The following ABCA13 variants were observed in gnomAD, a reference collection of about 807,000 sequenced individuals.
ABCA13 encodes ATP binding cassette subfamily A member 13, also known as ATP-binding cassette sub-family A member 13.
In ABCA13, 476 loss-of-function variants were observed where a neutral mutation model predicts 478.7. The ratio of observed to expected loss-of-function variants is 0.99; its 90% CI spans 0.92 to 1.07. The LOEUF (loss-of-function observed/expected upper bound fraction) is 1.07. Ranked by LOEUF, ABCA13 falls within the 50% of genes least tolerant of loss-of-function variation. The pLI, the probability that ABCA13 is intolerant of heterozygous loss-of-function variation, is 0.00. For synonymous variants in ABCA13, 2,252 were observed against 2,158.9 expected, an observed-to-expected ratio of 1.04 and a Z score of -1.20; for missense variants, 6,060 against 5,910.6, an observed-to-expected ratio of 1.03 and a Z score of -0.83.
intron 59 of ABCA13, among the ~76,000 whole-genome samples, chr7:48,635,220 CA>C (rs11364153): frequency 0.47 from 58,771 of 124,100 alleles, 11,816 homozygotes; most frequent in South Asian, 0.61. Flanking sequence ...ATTTTGTTGC[CA>C]AAAAAAAAAA....
At chr7:48,523,768 T>C (rs1029868564) in intron 53 of ABCA13, among the ~76,000 whole-genome samples, 4 of 152,140 alleles carry the variant, frequency 2.6e-5, no homozygotes, top group African/African-American at 7.2e-5. Context: ...CTGAATACTT[T>C]TTGCAAAGTA....
At position 48,507,994 on chromosome 7, in the gene ABCA13, A is replaced by G; in HGVS notation, c.13469A>G (p.His4490Arg). Residue 4490 changes from histidine (H) to arginine (R), a missense_variant, in exon 50 of 62, where the codon CAC becomes CGC. By Grantham distance (29) the His-to-Arg change is conservative. Transcript: ENST00000435803. ...GTGATTGGAGCCAAAAGGTTGCAGC[A>G]CATAAGTGGCCTTGGCTACAGGATG... ...DRVIGAKRLQ[H>R]ISGLGYRMYW... The G allele has an allele frequency of 1.2e-6, 2 of 1,613,864 alleles. No homozygotes were observed. The highest frequency in any genetic ancestry group is 1.7e-6 in the Non-Finnish European group (2 of 1,179,830).
intron 31 of ABCA13, among the ~76,000 whole-genome samples, chr7:48,359,820 C>CA (rs372239023): frequency 3.9e-5 from 6 of 152,024 alleles, no homozygotes; most frequent in Non-Finnish European, 7.4e-5. Context: ...TTTGGTCCAA[C>CA]ACGCCCATGA....
In ABCA13 at chr7:48,457,201, T is replaced by C. The variant is rs559178895; in HGVS notation, c.12815+1915T>C. Among the ~76,000 whole-genome samples, 4 of 152,306 alleles carry C rather than the reference T, an allele frequency of 2.6e-5. No individual in the cohort carries two copies. The South Asian group carries it at 8.3e-4, about 32-fold the overall frequency. ...TTAATAGGCAGCTCTTTGATTACTA[T>C]TGAAGTTGAATATTTTCAAAGTTTT... On this transcript the variant is annotated intron_variant, in intron 43 of 61. Coordinates refer to ENST00000435803, the MANE Select transcript of ABCA13 (RefSeq NM_152701.5).
chr7:48,395,773 G>T (rs1425678472), intron 38 of ABCA13, among the ~76,000 whole-genome samples: 1 of 152,188 alleles, frequency 6.6e-6, no homozygotes, highest in African/African-American at 2.4e-5. Context: ...CATACAGCAT[G>T]TAATGCATAT....
intron 55 of ABCA13, among the ~76,000 whole-genome samples, chr7:48,576,218 G>A (rs1165335096): frequency 1.3e-5 from 2 of 152,060 alleles, no homozygotes; most frequent in African/African-American, 2.4e-5. Flanking sequence ...ATAGAAAAAC[G>A]ACTGTACTAG....
chr7:48,347,993 G>A (rs572418824), intron 29 of ABCA13, among the ~76,000 whole-genome samples: 1 of 152,326 alleles, frequency 6.6e-6, no homozygotes, highest in Admixed American at 6.5e-5. Context: ...CCACTGAGGG[G>A]TGGTGAGCAG....
chr7:48,353,040 T>A (rs1809302521), intron 31 of ABCA13, among the ~76,000 whole-genome samples: 1 of 151,942 alleles, frequency 6.6e-6, no homozygotes, highest in East Asian at 1.9e-4. Context: ...ACAAGAGGAC[T>A]TGGAGGGGAC....
intron 42 of ABCA13, among the ~76,000 whole-genome samples, chr7:48,443,131 G>A (rs2129169761): frequency 6.6e-6 from 1 of 152,268 alleles, no homozygotes; most frequent in South Asian, 2.1e-4. Flanking sequence ...AAGGAGAGAG[G>A]CCTCAGGAGA....
chr7:48,603,971 AT>A, intron 58 of ABCA13: 1 of 151,956 alleles, frequency 6.6e-6, no homozygotes, highest in East Asian at 1.9e-4. Flanking sequence ...GGTGTATATT[AT>A]TTCAGTAATT....
chr7:48,559,733 C>T (rs1220424200), intron 55 of ABCA13, among the ~76,000 whole-genome samples: 1 of 152,160 alleles, frequency 6.6e-6, no homozygotes, highest in Non-Finnish European at 1.5e-5. Context: ...CTCAAAAGTT[C>T]TTTCGTCATC....
At chr7:48,307,884 A>G (rs947643004) in intron 23 of ABCA13, among the ~76,000 whole-genome samples, 23 of 152,082 alleles carry the variant, frequency 1.5e-4, no homozygotes, top group Non-Finnish European at 3.2e-4. Context: ...GGGTTTCACC[A>G]TGTTGACCAG....
chr7:48,439,591 G>C (rs118116067), intron 42 of ABCA13, among the ~76,000 whole-genome samples: 1 of 151,882 alleles, frequency 6.6e-6, no homozygotes, highest in Non-Finnish European at 1.5e-5. Context: ...AATTAGATAA[G>C]CAAAAAATAC....
At chr7:48,374,473 A>G (rs1813147252) in intron 34 of ABCA13, 57 bp downstream of exon 34, 6 of 1,453,484 alleles carry the variant, frequency 4.1e-6, no homozygotes, top group South Asian at 1.2e-5. Context: ...TTGGAAATTA[A>G]TAGTTATATT....
In ABCA13 at chr7:48,275,616, C is replaced by A. The variant is rs1231984521; in HGVS notation, c.5950C>A (p.Leu1984Ile). ...CAAACTAAGTAGTTTAAACAAGATC[C>A]TTAACATTAATGAAGACACAGAGAC... Reference protein sequence around the residue: ...LDKLSSLNKILNINEDTETSV... With the variant: ...LDKLSSLNKIININEDTETSV... The change falls in exon 17 of 62, where the codon CTT becomes ATT. Residue 1984 changes from leucine (L) to isoleucine (I), a missense_variant. Coordinates refer to ENST00000435803, the MANE Select transcript of ABCA13 (RefSeq NM_152701.5). 1 of 1,608,984 alleles carries A rather than the reference C, an allele frequency of 6.2e-7. No individual in the cohort carries two copies. The highest frequency in any genetic ancestry group is 1.7e-5 in the Admixed American group (1 of 59,026).
At chr7:48,355,914 T>C (rs1257301355) in intron 31 of ABCA13, among the ~76,000 whole-genome samples, 4 of 151,966 alleles carry the variant, frequency 2.6e-5, no homozygotes, top group Non-Finnish European at 4.4e-5. Flanking sequence ...GGACAATGTA[T>C]GGATCTATTA....
rs181795003 is a variant in ABCA13, at chr7:48,623,129, C to T, written c.14837+7752C>T. On this transcript the variant is annotated intron_variant, in intron 59 of 61. Coordinates refer to ENST00000435803, the MANE Select transcript of ABCA13 (RefSeq NM_152701.5). The stretch of plus-strand genomic sequence containing the variant: ...CCGTAAGCATGAACATGCAAACTCT[C>T]GCTGCATCTTCAATGGTGTCTGCAC... Among the ~76,000 whole-genome samples the T allele has an allele frequency of 6.6e-5, 10 of 152,324 alleles. No homozygotes were observed. The East Asian group carries it at 1.9e-3, about 29-fold the overall frequency.
intron 55 of ABCA13, among the ~76,000 whole-genome samples, chr7:48,529,403 C>T (rs181142758): frequency 6.6e-6 from 1 of 152,262 alleles, no homozygotes; most frequent in Non-Finnish European, 1.5e-5. Flanking sequence ...TACAAGGCCC[C>T]AGGCATCTAT....
At chr7:48,223,408 C>G (rs538365007) in intron 5 of ABCA13, among the ~76,000 whole-genome samples, 1 of 151,986 alleles carries the variant, frequency 6.6e-6, no homozygotes, top group African/African-American at 2.4e-5. Flanking sequence ...GGCTGAGCAC[C>G]AAGCACTTGC....
Sources: gnomAD v4.1 joint callset for allele counts (sites outside exome capture counted in the v4.1 genomes callset) on GRCh38, gnomAD v4.1.1 for gene constraint, MANE v1.5 for transcripts, NCBI Gene and HGNC (gene_info 2026-07-23, HGNC 2026-07-21) for gene names.